Variants in CYP27C1 observed in about 807,000 individuals in gnomAD.
The protein encoded by CYP27C1 is cytochrome P450 family 27 subfamily C member 1, also known as cytochrome P450 27C1.
Under a neutral mutation model 40.6 loss-of-function variants are expected in CYP27C1, and 29 were observed. That is an observed-to-expected ratio of 0.71 (90% CI 0.53 to 0.97). CYP27C1 has a LOEUF of 0.97. Ranked by LOEUF, CYP27C1 falls within the 50% of genes least tolerant of loss-of-function variation. The probability of loss-of-function intolerance (pLI) is 0.00; values close to 1 mark genes in which losing one functional copy is unlikely to be tolerated. For synonymous variants in CYP27C1, 198 were observed against 186.8 expected, an observed-to-expected ratio of 1.06 and a Z score of -0.49; for missense variants, 390 against 485.8, an observed-to-expected ratio of 0.80 and a Z score of 1.85.
chr2:127,215,665 A>G (rs1683418182), intron 1 of CYP27C1, among the ~76,000 whole-genome samples: 1 of 152,174 alleles, frequency 6.6e-6, no homozygotes, highest in Non-Finnish European at 1.5e-5. Context: ...AGCCCAGCCT[A>G]GGCAACATAG....
chr2:127,205,428 T>G (rs79927691), intron 2 of CYP27C1, among the ~76,000 whole-genome samples: 1,879 of 152,264 alleles, frequency 0.012, 31 homozygotes, highest in African/African-American at 0.042. Flanking sequence ...ACAGAGGTGT[T>G]GGTGACGCTG....
chr2:127,215,070 A>G (rs1470240418), intron 1 of CYP27C1, among the ~76,000 whole-genome samples: 2 of 150,094 alleles, frequency 1.3e-5, no homozygotes, highest in African/African-American at 4.9e-5. Context: ...CGGAGCTTGC[A>G]GTGAGCTGAG....
Position 127,192,201 on chromosome 2 carries a change from C to T in CYP27C1, c.1497+893G>A, listed in dbSNP as rs73953284. On this transcript the variant is annotated intron_variant, in intron 8 of 8. Transcript: ENST00000664447. Reference sequence around the variant, plus strand: ...TGCCACTGTGGGACTTGGTAAGTGGCTGTTGCTTTCTGAGCCTCGGTTTCC... The same window carrying T: ...TGCCACTGTGGGACTTGGTAAGTGGTTGTTGCTTTCTGAGCCTCGGTTTCC... Among the ~76,000 whole-genome samples the T allele has an allele frequency of 8.2e-3, 1,246 of 152,278 alleles. 10 individuals are homozygous for T. Among genetic ancestry groups the T allele is most frequent in the African/African-American group, 0.028 (1,178 of 41,556 alleles).
At chr2:127,193,917 T>G in intron 6 of CYP27C1, 50 bp from the exon 7 acceptor site, 1 of 1,598,378 alleles carries the variant, frequency 6.3e-7, no homozygotes, top group Non-Finnish European at 8.6e-7. Context: ...TTTCACAGTA[T>G]TTTATTGAAC....
At position 127,200,679 on chromosome 2, in the gene CYP27C1, T is replaced by C. The variant is rs1403636229; in HGVS notation, c.883+443A>G. Reference sequence around the variant, plus strand: ...TTTGCTTCTTTGAAAAACAAATCCATGGCCAGGCGTGGTGGCTCACACTTG... The same window carrying C: ...TTTGCTTCTTTGAAAAACAAATCCACGGCCAGGCGTGGTGGCTCACACTTG... On this transcript the variant is annotated intron_variant, in intron 4 of 8. Transcript: ENST00000664447. The surrounding 1 kb of genome is among the most constrained non-coding windows in gnomAD (Gnocchi z 4.2). 6.6e-6 allele frequency among the ~76,000 whole-genome samples: 1 copy of C among 152,024 alleles called. No individual in the cohort carries two copies. Among genetic ancestry groups the C allele is most frequent in the Non-Finnish European group, 1.5e-5 (1 of 67,964 alleles).
chr2:127,219,780 C>A lies in CYP27C1; in HGVS notation c.282+209G>T, dbSNP rs1403652347. 6.6e-6 allele frequency among the ~76,000 whole-genome samples: 1 copy of A among 150,740 alleles called. No individual in the cohort carries two copies. The highest frequency in any genetic ancestry group is 1.5e-5 in the Non-Finnish European group (1 of 67,604). On this transcript the variant is annotated intron_variant, in intron 1 of 8. Transcript: ENST00000664447. The surrounding 1 kb of genome is among the most constrained non-coding windows in gnomAD (Gnocchi z 8.7). ...CCGGATCGCCTTTCCGGCGTCCTCT[C>A]CCCAGCGCCCCTTCCTGCGAACCTT...
Position 127,187,120 on chromosome 2 carries a change from T to C in CYP27C1, c.*151A>G, listed in dbSNP as rs1257809377. The C allele has an allele frequency of 2.9e-6, 2 of 681,644 alleles. No homozygotes were observed. Among genetic ancestry groups the C allele is most frequent in the African/African-American group, 3.6e-5 (2 of 55,864 alleles). The allele number at this position is 681,644 out of a possible 1,614,324, so 42.2% of individuals were successfully genotyped here. A position where few individuals can be genotyped will look rare whatever the true frequency, so the allele number is the denominator to read the frequency against. On this transcript the variant is annotated 3_prime_UTR_variant, in exon 9 of 9. Transcript: ENST00000664447. ...TTTTTACATTACTTTGCATAAAGAT[T>C]TACAAGTGTCCCAGGACCTGGGAGG...
At position 127,195,327 on chromosome 2, in the gene CYP27C1, C is replaced by A. The variant is rs755017903; in HGVS notation, c.1214+8G>T. The A allele has an allele frequency of 1.9e-5, 31 of 1,613,860 alleles. No individual in the cohort carries two copies. The highest frequency in any genetic ancestry group is 2.5e-5 in the Non-Finnish European group (29 of 1,179,944). ...CAGTTTGTTGACGGATTCTGGCGAGCCTTTTACCTCAGGGTTTCCTTAAGG... is the reference window on the plus strand; with the variant it reads ...CAGTTTGTTGACGGATTCTGGCGAGACTTTTACCTCAGGGTTTCCTTAAGG... On this transcript the variant is annotated splice_region_variant and intron_variant, in intron 6 of 8. Coordinates refer to ENST00000664447, the MANE Select transcript of CYP27C1 (RefSeq NM_001367502.1). The surrounding 1 kb of genome is among the most constrained non-coding windows in gnomAD (Gnocchi z 6.2).
chr2:127,198,186 T>TACACACACACACACACACACACACAC (rs3033450), intron 5 of CYP27C1, among the ~76,000 whole-genome samples: 3 of 148,072 alleles, frequency 2.0e-5, no homozygotes, highest in African/African-American at 7.5e-5. Flanking sequence ...AATTTGTTGA[T>TACACACACACACACACACACACACAC]ACACACACAC....
chr2:127,211,549 AT>A (rs1004936111), intron 1 of CYP27C1, among the ~76,000 whole-genome samples: 2 of 150,232 alleles, frequency 1.3e-5, no homozygotes, highest in Non-Finnish European at 3.0e-5. Flanking sequence ...CGCCCAGCTA[AT>A]TTTTTTTTGT....
At chr2:127,204,614 A>AAAGAAAGAAAGAAAGAAAGAAAGG (rs1558931574) in intron 2 of CYP27C1, among the ~76,000 whole-genome samples, 5 of 104,176 alleles carry the variant, frequency 4.8e-5, no homozygotes, top group African/African-American at 2.0e-4. Flanking sequence ...AGAAAGAAAG[A>AAAGAAAGAAAGAAAGAAAGAAAGG]AAGAAAGAAA....
rs1256449944 is a variant in CYP27C1, at chr2:127,200,106, A to G, written c.884-567T>C. Reference sequence around the variant, plus strand: ...GCCATTCTCCTGCCTCAGCCTCCCAAGTAGCTGGAATTACAGGCACGCGCC... The same window carrying G: ...GCCATTCTCCTGCCTCAGCCTCCCAGGTAGCTGGAATTACAGGCACGCGCC... On this transcript the variant is annotated intron_variant, in intron 4 of 8. Coordinates refer to ENST00000664447, the MANE Select transcript of CYP27C1 (RefSeq NM_001367502.1). This position sits in a 1 kb window ranked among gnomAD's most constrained non-coding sequence, Gnocchi z 4.2. Among the ~76,000 whole-genome samples, 1 of 152,136 alleles carries G rather than the reference A, an allele frequency of 6.6e-6. No homozygotes were observed.
intron 5 of CYP27C1, 46 bp downstream of exon 5, chr2:127,199,330 G>A: frequency 3.1e-6 from 5 of 1,596,814 alleles, no homozygotes; most frequent in South Asian, 1.1e-5. Flanking sequence ...TGATGAGGAA[G>A]GGGTTATCGT....
chr2:127,188,384 C>A (rs921152884), intron 8 of CYP27C1, among the ~76,000 whole-genome samples: 1 of 152,198 alleles, frequency 6.6e-6, no homozygotes, highest in African/African-American at 2.4e-5. Context: ...GGACTACAGG[C>A]ATGCATCACA....
chr2:127,207,028 A>C (rs1036422515), intron 1 of CYP27C1, among the ~76,000 whole-genome samples: 2 of 152,376 alleles, frequency 1.3e-5, no homozygotes, highest in Non-Finnish European at 2.9e-5. Context: ...TCCAAAATGA[A>C]ATTTAAAAAA....
intron 1 of CYP27C1, among the ~76,000 whole-genome samples, chr2:127,216,880 G>C (rs1257887616): frequency 1.3e-5 from 2 of 152,118 alleles, no homozygotes; most frequent in African/African-American, 4.8e-5. Flanking sequence ...CTCAGAAACA[G>C]TGGGCCAGGA....
In CYP27C1 at chr2:127,201,211, T is replaced by A. The variant is rs751539266; in HGVS notation, c.794A>T (p.Tyr265Phe). The A allele has an allele frequency of 5.0e-6, 8 of 1,614,086 alleles. No individual in the cohort carries two copies. Residue 265 changes from tyrosine (Y) to phenylalanine (F), a missense_variant, in exon 4 of 9, where the codon TAT becomes TTT. By Grantham distance (22) the Tyr-to-Phe change is conservative. Transcript: ENST00000664447. This position sits in a 1 kb window ranked among gnomAD's most constrained non-coding sequence, Gnocchi z 6.0. Reference protein sequence around the residue: ...LMFSMFKTSMYAGAIPRWLRP... With the variant: ...LMFSMFKTSMFAGAIPRWLRP... ...AAGCCATCTGGGGATGGCGCCTGCA[T>A]ACATGGAGGTCTTGAACATGCTAAA...
Position 127,204,555 on chromosome 2 carries a change from G to GAGAAAGAAAGAA in CYP27C1, c.474-996_474-985dup, listed in dbSNP as rs1169099297. Reference sequence around the variant, plus strand: ...AAAGAAAGAGAGAGAGAGAGAGAGAGAGAAAGAAAGAAAGAAAGAAAGAAA... The same window carrying GAGAAAGAAAGAA: ...AAAGAAAGAGAGAGAGAGAGAGAGAGAGAAAGAAAGAAAGAAAGAAAGAAAGAAAGAAAGAAA... On this transcript the variant is annotated intron_variant, in intron 2 of 8. Transcript: ENST00000664447. Among the ~76,000 whole-genome samples the GAGAAAGAAAGAA allele has an allele frequency of 5.0e-3, 197 of 39,154 alleles. 7 individuals are homozygous for GAGAAAGAAAGAA. Among genetic ancestry groups the GAGAAAGAAAGAA allele is most frequent in the Middle Eastern group, 0.013 (1 of 78 alleles). The allele number at this position is 39,154 out of a possible 152,430, so 25.7% of individuals were successfully genotyped here. A position where few individuals can be genotyped will look rare whatever the true frequency, so the allele number is the denominator to read the frequency against.
rs140253994 is a variant in CYP27C1, at chr2:127,183,940, A to T, written c.*3331T>A. On this transcript the variant is annotated 3_prime_UTR_variant, in exon 9 of 9. Coordinates refer to ENST00000664447, the MANE Select transcript of CYP27C1 (RefSeq NM_001367502.1). The surrounding 1 kb of genome is among the most constrained non-coding windows in gnomAD (Gnocchi z 5.1). ...CCACCCTGCTTCCACAGTTAACAAC[A>T]TCTGCCTAATCTTGGGTCATCTCTT... 5.4e-3 allele frequency among the ~76,000 whole-genome samples: 826 copies of T among 152,286 alleles called. 13 individuals carry two copies. The highest frequency in any genetic ancestry group is 0.032 in the South Asian group (153 of 4,820).
Sources: gnomAD v4.1 joint callset for allele counts (sites outside exome capture counted in the v4.1 genomes callset) on GRCh38, gnomAD v4.1.1 for gene constraint, Gnocchi (gnomAD v3.1) non-coding constraint, MANE v1.5 for transcripts, NCBI Gene and HGNC (gene_info 2026-07-23, HGNC 2026-07-21) for gene names.